The following BBOX1 variants were observed in gnomAD, a reference collection of about 807,000 sequenced individuals.
The protein encoded by BBOX1 is gamma-butyrobetaine dioxygenase.
A neutral mutation model predicts 41.6 loss-of-function variants in BBOX1; 35 were observed. The ratio of observed to expected loss-of-function variants is 0.84; its 90% confidence interval spans 0.64 to 1.11. BBOX1 has a LOEUF of 1.11. Ranked by LOEUF, BBOX1 falls within the 50% of genes most tolerant of loss-of-function variation. The probability of loss-of-function intolerance (pLI) is 0.00; values close to 1 mark genes in which losing one functional copy is unlikely to be tolerated. For missense variants in BBOX1, 458 were observed against 460.6 expected (o/e 0.99, Z 0.05); for synonymous variants, 163 against 154.7 (o/e 1.05, Z -0.40).
At chr11:27,087,075 A>G (rs182405768) in intron 4 of BBOX1, among the ~76,000 whole-genome samples, 1 of 152,120 alleles carries the variant, frequency 6.6e-6, no homozygotes, top group Non-Finnish European at 1.5e-5. Context: ...TTGAGATGGA[A>G]TCTACTCCTG....
At chr11:27,126,761 C>T (rs1295223398) in intron 8 of BBOX1, among the ~76,000 whole-genome samples, 2 of 151,080 alleles carry the variant, frequency 1.3e-5, no homozygotes, top group African/African-American at 4.9e-5. Flanking sequence ...CTGCAAGCTC[C>T]GCCTCCCGGG....
intron 4 of BBOX1, chr11:27,062,867 C>CT: frequency 6.5e-6 from 1 of 153,134 alleles, no homozygotes; most frequent in Non-Finnish European, 1.5e-5. Flanking sequence ...GGCGGGCTTT[C>CT]TTTTTTTCTT....
chr11:27,114,917 A>T (rs1356576584), intron 5 of BBOX1, among the ~76,000 whole-genome samples: 2 of 151,858 alleles, frequency 1.3e-5, no homozygotes, highest in Non-Finnish European at 2.9e-5. Flanking sequence ...AAAATAGGTA[A>T]ATCCACAGAG....
chr11:27,115,524 C>A lies in BBOX1; in HGVS notation c.606C>A (p.His202Gln). 1 of 1,611,050 alleles carries A rather than the reference C, an allele frequency of 6.2e-7. No homozygotes were observed. The highest frequency in any genetic ancestry group is 1.1e-5 in the South Asian group (1 of 90,946). Residue 202 changes from histidine (H) to glutamine (Q), a missense_variant, in exon 6 of 9, where the codon CAC becomes CAA. By Grantham distance (24) the His-to-Gln change is conservative (BLOSUM62 0). Transcript: ENST00000263182. The part of the protein sequence containing the change: ...VAYTTGKLSF[H>Q]TDYPALHHPP... ...ACACAACTGGGAAGCTAAGCTTTCA[C>A]ACTGATTATCCAGCCCTCCATCATC...
intron 5 of BBOX1, among the ~76,000 whole-genome samples, chr11:27,101,520 A>G (rs961424487): frequency 6.6e-6 from 1 of 152,036 alleles, no homozygotes; most frequent in African/African-American, 2.4e-5. Flanking sequence ...AATGTACTAC[A>G]TTATTTGTTT....
At chr11:27,086,078 G>T (rs1332291233) in intron 4 of BBOX1, among the ~76,000 whole-genome samples, 3 of 152,116 alleles carry the variant, frequency 2.0e-5, no homozygotes, top group Non-Finnish European at 4.4e-5. Flanking sequence ...TTTAAGGAAA[G>T]AAGTTTTCTT....
chr11:27,126,997 T>C (rs1327499952), intron 8 of BBOX1, among the ~76,000 whole-genome samples: 2 of 152,166 alleles, frequency 1.3e-5, no homozygotes, highest in Admixed American at 1.3e-4. Flanking sequence ...TAATGAGGTA[T>C]CGATCAGTCA....
At position 27,119,799 on chromosome 11, in the gene BBOX1, G is replaced by A. The variant is rs748217606; in HGVS notation, c.790G>A (p.Val264Met). Residue 264 changes from valine to methionine, a missense_variant, in exon 7 of 9, where the codon GTG (valine) becomes ATG (methionine). By Grantham distance (21) the Val-to-Met change is conservative. Coordinates refer to ENST00000263182, the MANE Select transcript of BBOX1 (RefSeq NM_003986.3). ...CTTTGTGGACTTTACAGACATTGGA[G>A]TGGATTACTGTGATTTTTCTGTACA... is the stretch of plus-strand genomic sequence containing the variant. ...STFVDFTDIG[V>M]DYCDFSVQSK... 6.3e-7 allele frequency: 1 copy of A among 1,582,410 alleles called. No individual in the cohort carries two copies. The highest frequency in any genetic ancestry group is 1.9e-5 in the Admixed American group (1 of 52,648).
chr11:27,093,396 A>G (rs759660729), intron 5 of BBOX1, 30 bp downstream of exon 5: 13 of 1,605,156 alleles, frequency 8.1e-6, no homozygotes, highest in South Asian at 1.1e-5. Flanking sequence ...GTATTCTGCC[A>G]TCACAGATAA....
At chr11:27,076,327 T>C (rs2077076533) in intron 4 of BBOX1, among the ~76,000 whole-genome samples, 1 of 152,212 alleles carries the variant, frequency 6.6e-6, no homozygotes, top group Non-Finnish European at 1.5e-5. Context: ...CTTAGTGTGT[T>C]GGCTTTCTCA....
At chr11:27,114,542 G>A (rs1050603529) in intron 5 of BBOX1, among the ~76,000 whole-genome samples, 3 of 151,680 alleles carry the variant, frequency 2.0e-5, no homozygotes, top group African/African-American at 7.3e-5. Flanking sequence ...TTGGCATAAG[G>A]ATAGACAAAT....
rs1190870350 is a variant in BBOX1, at chr11:27,041,180, CTTTCTTT to C, written c.-301-32_-301-26del. The C allele has an allele frequency of 5.1e-5, 4 of 79,102 alleles. No individual in the cohort carries two copies. The Admixed American group carries it at 7.5e-4, about 15-fold the overall frequency. 4.9% of individuals were successfully genotyped at this position (79,102 alleles called of 1,614,324 possible). A position where few individuals can be genotyped will look rare whatever the true frequency, so the allele number is the denominator to read the frequency against. On this transcript the variant is annotated intron_variant, in intron 1 of 8. Transcript: ENST00000263182. Reference sequence around the variant, plus strand: ...CCCTCTAGGCCATAAAGCCTCTTTTCTTTCTTTTTTTTTTTTTTTTTTAAAAAAAACA... The same window carrying C: ...CCCTCTAGGCCATAAAGCCTCTTTTCTTTTTTTTTTTTTTTAAAAAAAACA...
At chr11:27,077,692 A>G (rs1857682390) in intron 4 of BBOX1, among the ~76,000 whole-genome samples, 1 of 151,404 alleles carries the variant, frequency 6.6e-6, no homozygotes, top group East Asian at 1.9e-4. Context: ...AAAAATGTAG[A>G]ATATTATTAT....
intron 5 of BBOX1, among the ~76,000 whole-genome samples, chr11:27,103,983 C>G (rs1015692675): frequency 2.6e-5 from 4 of 152,110 alleles, no homozygotes; most frequent in Non-Finnish European, 5.9e-5. Flanking sequence ...AACTGGCTAA[C>G]AGCTTTCTAA....
chr11:27,088,645 T>C (rs4923423), intron 4 of BBOX1, among the ~76,000 whole-genome samples: 44,538 of 151,860 alleles, frequency 0.29, 9,086 homozygotes, highest in African/African-American at 0.57. Context: ...AAGCTATGGA[T>C]ATTCAGACAC....
chr11:27,042,046 G>T (rs1851359812), intron 2 of BBOX1, among the ~76,000 whole-genome samples: 1 of 152,144 alleles, frequency 6.6e-6, no homozygotes, highest in Admixed American at 6.5e-5. Context: ...CGAAGCTCAA[G>T]AAGGTATATT....
chr11:27,071,911 G>T (rs1044880725), intron 4 of BBOX1, among the ~76,000 whole-genome samples: 5 of 151,992 alleles, frequency 3.3e-5, no homozygotes, highest in Admixed American at 2.6e-4. Flanking sequence ...GGTATTGATG[G>T]GACATATCTC....
intron 5 of BBOX1, among the ~76,000 whole-genome samples, chr11:27,098,917 C>T (rs972439798): frequency 1.2e-4 from 18 of 151,950 alleles, no homozygotes; most frequent in African/African-American, 4.3e-4. Flanking sequence ...ATATCATTGC[C>T]ATTGCCACTG....
chr11:27,048,256 C>T (rs1415521869), intron 2 of BBOX1, among the ~76,000 whole-genome samples: 1 of 152,078 alleles, frequency 6.6e-6, no homozygotes, highest in Non-Finnish European at 1.5e-5. Context: ...AACATATCCC[C>T]ATTTCTCCCA....
Sources: allele counts gnomAD v4.1 joint callset (sites outside exome capture counted in the v4.1 genomes callset), GRCh38; gene constraint gnomAD v4.1.1; transcripts MANE v1.5; gene names NCBI Gene and HGNC (gene_info 2026-07-23, HGNC 2026-07-21).